The following PCDHGB2 variants were observed in gnomAD, a reference collection of about 807,000 sequenced individuals.
The protein encoded by PCDHGB2 is protocadherin gamma-B2.
PCDHGB2 carries 55 observed loss-of-function variants against 59.3 expected under a neutral mutation model. The ratio of observed to expected loss-of-function variants is 0.93; its 90% CI spans 0.75 to 1.16. PCDHGB2 has a LOEUF of 1.16. Ranked by LOEUF, PCDHGB2 falls within the 50% of genes most tolerant of loss-of-function variation. The pLI, the probability that PCDHGB2 is intolerant of heterozygous loss-of-function variation, is 0.00. For missense variants in PCDHGB2, 1,228 were observed against 1,198.5 expected (o/e 1.02, Z -0.36); for synonymous variants, 516 against 512.0 (o/e 1.01, Z -0.11).
rs138463062 is a variant in PCDHGB2 at position 141,485,217 on chromosome 5, C to T, written c.2422-9590C>T. 7,893 of 1,614,092 alleles carry T rather than the reference C, an allele frequency of 4.9e-3. 42 individuals carry two copies. Among genetic ancestry groups the T allele is most frequent in the Admixed American group, 8.8e-3 (531 of 60,030 alleles). On this transcript the variant is annotated intron_variant, in intron 1 of 3. Coordinates refer to ENST00000522605, the MANE Select transcript of PCDHGB2 (RefSeq NM_018923.3). This position sits in a 1 kb window ranked among gnomAD's most constrained non-coding sequence, Gnocchi z 5.7. Reference sequence around the variant, plus strand: ...AGCTGGACAGAAATCTGGCGGTGGGCTACCCTTTTGTTCCTCTTTTACCAC... The same window carrying T: ...AGCTGGACAGAAATCTGGCGGTGGGTTACCCTTTTGTTCCTCTTTTACCAC...
chr5:141,414,850 C>T, intron 1 of PCDHGB2: 1 of 1,614,212 alleles, frequency 6.2e-7, no homozygotes, highest in Non-Finnish European at 8.5e-7. Flanking sequence ...TGTGCTGGAC[C>T]AGAACGACAA....
chr5:141,398,732 G>A (rs747131946), intron 1 of PCDHGB2: 4 of 1,613,778 alleles, frequency 2.5e-6, no homozygotes, highest in Admixed American at 1.7e-5. Flanking sequence ...ACCTTAGACC[G>A]GGAACAACAG....
At chr5:141,440,093 GA>G (rs2098151022) in intron 1 of PCDHGB2, 1 of 152,302 alleles carries the variant, frequency 6.6e-6, no homozygotes, top group Non-Finnish European at 1.5e-5. Context: ...TCTAAGTGGG[GA>G]AAGTGGAGAC....
intron 1 of PCDHGB2, chr5:141,364,149 C>A: frequency 1.8e-6 from 1 of 542,530 alleles, no homozygotes; most frequent in Non-Finnish European, 3.0e-6. Context: ...GGGAAAGAAG[C>A]TGCCGCAGAG....
intron 1 of PCDHGB2, chr5:141,419,602 C>T (rs757423030): frequency 6.2e-7 from 1 of 1,611,874 alleles, no homozygotes; most frequent in Admixed American, 1.7e-5. Flanking sequence ...TGCCGCGGGC[C>T]GCGCAGCCAG....
intron 1 of PCDHGB2, among the ~76,000 whole-genome samples, chr5:141,492,927 G>C (rs925569925): frequency 6.6e-6 from 1 of 152,180 alleles, no homozygotes; most frequent in Non-Finnish European, 1.5e-5. Context: ...AGCGATCTAG[G>C]GTCAGAGATT....
At chr5:141,404,221 T>C (rs1028021504) in intron 1 of PCDHGB2, 2 of 1,613,766 alleles carry the variant, frequency 1.2e-6, no homozygotes, top group Non-Finnish European at 1.7e-6. Context: ...TCACGGTGAC[T>C]GCAACAGACA....
intron 1 of PCDHGB2, among the ~76,000 whole-genome samples, chr5:141,473,948 A>ACC (rs2099333859): frequency 1.3e-5 from 2 of 152,182 alleles, no homozygotes; most frequent in Non-Finnish European, 2.9e-5. Context: ...TCAGGCCTGT[A>ACC]GTCCCATCTA....
In PCDHGB2 at chr5:141,360,479, A is replaced by G; in HGVS notation, c.344A>G (p.Asn115Ser). 1.2e-6 allele frequency: 2 copies of G among 1,613,948 alleles called. No homozygotes were observed. The highest frequency in any genetic ancestry group is 1.7e-6 in the Non-Finnish European group (2 of 1,179,864). Reference protein sequence around the residue: ...DFDTVAENPLNIFYIAVIVQD... With the variant: ...DFDTVAENPLSIFYIAVIVQD... Reference sequence around the variant, plus strand: ...GATACTGTCGCTGAAAATCCACTAAATATTTTCTACATAGCAGTAATTGTG... The same window carrying G: ...GATACTGTCGCTGAAAATCCACTAAGTATTTTCTACATAGCAGTAATTGTG... Residue 115 changes from asparagine (N) to serine (S), a missense_variant, in exon 1 of 4, where the codon AAT (asparagine) becomes AGT (serine). Coordinates refer to ENST00000522605, the MANE Select transcript of PCDHGB2 (RefSeq NM_018923.3).
chr5:141,467,952 C>A (rs1341210155), intron 1 of PCDHGB2, among the ~76,000 whole-genome samples: 1 of 152,186 alleles, frequency 6.6e-6, no homozygotes, highest in Non-Finnish European at 1.5e-5. Flanking sequence ...AGCCACCACA[C>A]CCGGCTGCCA....
chr5:141,471,631 G>A (rs573080972), intron 1 of PCDHGB2: 7 of 152,188 alleles, frequency 4.6e-5, no homozygotes, highest in African/African-American at 9.6e-5. Flanking sequence ...CATTGGTATG[G>A]ATTAGTAATA....
At chr5:141,395,053 A>G (rs1210765378) in intron 1 of PCDHGB2, 1 of 1,614,062 alleles carries the variant, frequency 6.2e-7, no homozygotes, top group African/African-American at 1.3e-5. Flanking sequence ...GAGGAGGTAC[A>G]GGCTTTCCTG....
At position 141,393,264 on chromosome 5, in the gene PCDHGB2, C is replaced by G. The variant is rs537186931; in HGVS notation, c.2421+30708C>G. The G allele has an allele frequency of 1.1e-4, 170 of 1,613,916 alleles. 3 individuals carry two copies. The South Asian group carries it at 1.8e-3, about 17-fold the overall frequency. On this transcript the variant is annotated intron_variant, in intron 1 of 3. Coordinates refer to ENST00000522605, the MANE Select transcript of PCDHGB2 (RefSeq NM_018923.3). ...TAACGAAATCGCGGTTCCTGGAGCA[C>G]GTTATCCACTCCCAGAAGCTGTTGA...
intron 1 of PCDHGB2, chr5:141,418,954 T>G (rs1490406390): frequency 6.2e-7 from 1 of 1,613,914 alleles, no homozygotes; most frequent in East Asian, 2.2e-5. Flanking sequence ...CAGGAGTGGT[T>G]GTTGCCCTCT....
At chr5:141,410,469 T>C in intron 1 of PCDHGB2, 1 of 1,614,026 alleles carries the variant, frequency 6.2e-7, no homozygotes, top group Non-Finnish European at 8.5e-7. Context: ...AATCTGTGCA[T>C]TGCACATACG....
Position 141,464,048 on chromosome 5 carries a change from T to G in PCDHGB2, c.2422-30759T>G, listed in dbSNP as rs377735829. Reference sequence around the variant, plus strand: ...GGGAGGCCAAGGCGGGTGGATCACCTGAGGTCAGGAGTTCAAGGCCAGCCT... The same window carrying G: ...GGGAGGCCAAGGCGGGTGGATCACCGGAGGTCAGGAGTTCAAGGCCAGCCT... On this transcript the variant is annotated intron_variant, in intron 1 of 3. Transcript: ENST00000522605. 1.2e-4 allele frequency among the ~76,000 whole-genome samples: 18 copies of G among 152,260 alleles called. No individual in the cohort carries two copies. In the East Asian group the frequency reaches 3.5e-3, roughly 29 times the overall value.
chr5:141,363,958 G>C (rs1763125463), intron 1 of PCDHGB2, among the ~76,000 whole-genome samples: 1 of 152,214 alleles, frequency 6.6e-6, no homozygotes, highest in Non-Finnish European at 1.5e-5. Context: ...CTCAGGGATT[G>C]TGGAAGTCTT....
chr5:141,485,441 A>T lies in PCDHGB2; in HGVS notation c.2422-9366A>T. On this transcript the variant is annotated intron_variant, in intron 1 of 3. Coordinates refer to ENST00000522605, the MANE Select transcript of PCDHGB2 (RefSeq NM_018923.3). The surrounding 1 kb of genome is among the most constrained non-coding windows in gnomAD (Gnocchi z 5.7). ...CGGAGCCCTGCTCATCAAGAACCCA[A>T]TCGACCGAGAGGCACTGTGTGGGCT... is the stretch of plus-strand genomic sequence containing the variant. The T allele has an allele frequency of 6.2e-7, 1 of 1,613,910 alleles. No homozygotes were observed. The highest frequency in any genetic ancestry group is 1.1e-5 in the South Asian group (1 of 91,062).
chr5:141,404,298 C>A, intron 1 of PCDHGB2: 3 of 1,613,868 alleles, frequency 1.9e-6, no homozygotes, highest in Non-Finnish European at 2.5e-6. Flanking sequence ...AATGATAATC[C>A]ACCTGCTTTC....
Sources: allele counts gnomAD v4.1 joint callset (sites outside exome capture counted in the v4.1 genomes callset), GRCh38; gene constraint gnomAD v4.1.1; non-coding constraint Gnocchi (gnomAD v3.1); transcripts MANE v1.5; gene names NCBI Gene and HGNC (gene_info 2026-07-23, HGNC 2026-07-21).